ZNF157: variants seen among roughly 807,000 people sequenced by gnomAD.
The protein encoded by ZNF157 is zinc finger protein 157, also known as zinc finger protein 22.
In ZNF157, 8 loss-of-function variants were observed where a neutral mutation model predicts 9.4. The ratio of observed to expected loss-of-function variants is 0.85; its 90% CI spans 0.50 to 1.53. The LOEUF (loss-of-function observed/expected upper bound fraction) is 1.53, where lower values mean the gene tolerates loss of function less well. Ranked by LOEUF, ZNF157 falls within the 40% of genes most tolerant of loss-of-function variation. The pLI, the probability that ZNF157 is intolerant of heterozygous loss-of-function variation, is 0.00. For synonymous variants in ZNF157, 120 were observed against 130.8 expected (o/e 0.92, Z 0.56); for missense variants, 316 against 385.2 (o/e 0.82, Z 1.50).
intron 1 of ZNF157, among the ~76,000 whole-genome samples, chrX:47,393,133 G>A (rs1330081828): frequency 3.2e-5 from 3 of 92,998 alleles, no homozygotes; most frequent in Non-Finnish European, 6.4e-5. Context: ...GCAGCCTGGG[G>A]GATAGAGTGA....
At chrX:47,373,848 C>T (rs965152282) in intron 1 of ZNF157, among the ~76,000 whole-genome samples, 23 of 84,913 alleles carry the variant, frequency 2.7e-4, no homozygotes, top group African/African-American at 1.0e-3. Flanking sequence ...CCACCACGCC[C>T]GGCTAATTAA....
intron 1 of ZNF157, among the ~76,000 whole-genome samples, chrX:47,404,163 G>GTTTT (rs2147412692): frequency 1.8e-5 from 2 of 108,742 alleles, no homozygotes; most frequent in African/African-American, 6.6e-5. Flanking sequence ...GAGCCAGACT[G>GTTTT]TTTGTTTGTT....
At chrX:47,399,548 G>A (rs761723493) in intron 1 of ZNF157, among the ~76,000 whole-genome samples, 5 of 111,970 alleles carry the variant, frequency 4.5e-5, no homozygotes, top group Non-Finnish European at 9.4e-5. Context: ...TCATCTCTCA[G>A]AAAAGTGGAG....
At position 47,381,331 on chromosome X, in the gene ZNF157, C is replaced by T. The variant is rs1471169644; in HGVS notation, c.72+10591C>T. 6.3e-5 allele frequency among the ~76,000 whole-genome samples: 7 copies of T among 111,080 alleles called. No individual in the cohort carries two copies. The Admixed American group carries it at 6.8e-4, about 11-fold the overall frequency. On this transcript the variant is annotated intron_variant, in intron 1 of 3. Coordinates refer to ENST00000377073, the MANE Select transcript of ZNF157 (RefSeq NM_003446.4). Reference sequence around the variant, plus strand: ...GGTGGGGTTTGAGGGGGGGTGCTCTCCTGCTCTGCTCATGTCTAACTACCT... The same window carrying T: ...GGTGGGGTTTGAGGGGGGGTGCTCTTCTGCTCTGCTCATGTCTAACTACCT...
chrX:47,403,921 G>A (rs2055938491), intron 1 of ZNF157, among the ~76,000 whole-genome samples: 2 of 111,711 alleles, frequency 1.8e-5, no homozygotes, highest in South Asian at 3.8e-4. Flanking sequence ...TGTAATCCCA[G>A]CAGTTTGGGA....
chrX:47,404,235 G>A (rs776032610), intron 1 of ZNF157, among the ~76,000 whole-genome samples: 14 of 109,052 alleles, frequency 1.3e-4, no homozygotes, highest in African/African-American at 1.7e-4. Flanking sequence ...GCTTGATATC[G>A]GCTCACTGCA....
At chrX:47,384,525 C>T (rs749084972) in intron 1 of ZNF157, among the ~76,000 whole-genome samples, 31 of 112,391 alleles carry the variant, frequency 2.8e-4, no homozygotes, top group African/African-American at 1.0e-3. Context: ...AATGTTTCCC[C>T]TCTCTAGTAT....
At chrX:47,400,529 T>C (rs1050978493) in intron 1 of ZNF157, among the ~76,000 whole-genome samples, 4 of 112,315 alleles carry the variant, frequency 3.6e-5, no homozygotes, top group Non-Finnish European at 7.5e-5. Flanking sequence ...ATATGCAACA[T>C]AATATGTCCA....
rs748264007 is a variant in ZNF157 at position 47,388,676 on chromosome X, A to C, written c.72+17936A>C. The C allele has an allele frequency of 3.9e-5, 6 of 155,218 alleles. No homozygotes were observed. In the South Asian group the frequency reaches 9.1e-4, roughly 24 times the overall value. The allele number at this position is 155,218 out of a possible 1,213,427, so 12.8% of individuals were successfully genotyped here. A position where few individuals can be genotyped will look rare whatever the true frequency, so the allele number is the denominator to read the frequency against. On this transcript the variant is annotated intron_variant, in intron 1 of 3. Coordinates refer to ENST00000377073, the MANE Select transcript of ZNF157 (RefSeq NM_003446.4). ...GGTGTGCTCAGAGCAGGGGGCCTGA[A>C]GAATGCTTCTTCTGTTTACAACACA...
intron 1 of ZNF157, among the ~76,000 whole-genome samples, chrX:47,407,390 G>A (rs1039081183): frequency 1.4e-4 from 16 of 112,180 alleles, no homozygotes; most frequent in Non-Finnish European, 2.8e-4. Context: ...AAATGGAAGA[G>A]GAAAGACTGT....
chrX:47,374,269 G>A (rs975163194), intron 1 of ZNF157, among the ~76,000 whole-genome samples: 2 of 111,234 alleles, frequency 1.8e-5, no homozygotes, highest in Non-Finnish European at 3.8e-5. Flanking sequence ...TGTTGTCACA[G>A]CATGTTATGA....
intron 1 of ZNF157, among the ~76,000 whole-genome samples, chrX:47,397,319 C>T (rs1371647349): frequency 1.9e-5 from 2 of 104,790 alleles, no homozygotes; most frequent in Admixed American, 1.0e-4. Context: ...CTTAGCTAAC[C>T]ACAACCTCCG....
rs1162017955 is a variant in ZNF157 at position 47,413,300 on chromosome X, A to G, written c.1227A>G (p.Ser409=). 1 of 1,211,925 alleles carries G rather than the reference A, an allele frequency of 8.3e-7. No homozygotes were observed. The highest frequency in any genetic ancestry group is 1.1e-6 in the Non-Finnish European group (1 of 895,470). ...TAATTGAACATCAGAGGATGCATTCAGGAGAGAAACCCTACGAATGTAGTG... is the reference window on the plus strand; with the variant it reads ...TAATTGAACATCAGAGGATGCATTCGGGAGAGAAACCCTACGAATGTAGTG... ...ARLIEHQRMH[S]GEKPYECSEC... is the part of the protein sequence containing the mutation. The change falls in exon 4 of 4, where the codon TCA becomes TCG. Residue 409 remains serine, a synonymous_variant. Transcript: ENST00000377073.
At chrX:47,397,234 T>C (rs1421185911) in intron 1 of ZNF157, among the ~76,000 whole-genome samples, 1 of 99,053 alleles carries the variant, frequency 1.0e-5, no homozygotes, top group Non-Finnish European at 2.0e-5. Context: ...AGTTTCTTTT[T>C]TTCTTTCTTT....
intron 1 of ZNF157, among the ~76,000 whole-genome samples, chrX:47,401,100 GT>G (rs1380368705): frequency 8.9e-6 from 1 of 112,099 alleles, no homozygotes; most frequent in Non-Finnish European, 1.9e-5. Context: ...CGTATAAACT[GT>G]TTGCATTATA....
intron 1 of ZNF157, among the ~76,000 whole-genome samples, chrX:47,376,413 G>A (rs1157553441): frequency 9.0e-6 from 1 of 111,640 alleles, no homozygotes; most frequent in Admixed American, 9.6e-5. Context: ...TCAGGAGTTC[G>A]AGACCAGCCT....
chrX:47,383,007 C>T (rs951664658), intron 1 of ZNF157, among the ~76,000 whole-genome samples: 6 of 110,458 alleles, frequency 5.4e-5, no homozygotes, highest in African/African-American at 9.9e-5. Flanking sequence ...ATTAAGTTAA[C>T]GTGAAAATGG....
chrX:47,408,417 T>TTG (rs908556568), intron 1 of ZNF157, among the ~76,000 whole-genome samples: 12 of 106,337 alleles, frequency 1.1e-4, no homozygotes, highest in Middle Eastern at 5.6e-3. Flanking sequence ...AGGCATATCT[T>TTG]TGTGTGTGTG....
intron 3 of ZNF157, among the ~76,000 whole-genome samples, chrX:47,410,999 T>A (rs1322685492): frequency 9.1e-6 from 1 of 110,371 alleles, no homozygotes; most frequent in Non-Finnish European, 1.9e-5. Flanking sequence ...TCTTGATTTT[T>A]TTTTTTTTTG....
Sources: allele counts gnomAD v4.1 joint callset (sites outside exome capture counted in the v4.1 genomes callset), GRCh38; gene constraint gnomAD v4.1.1; transcripts MANE v1.5; gene names NCBI Gene and HGNC (gene_info 2026-07-23, HGNC 2026-07-21).